The following VAMP1 variants were observed in gnomAD, a reference collection of about 807,000 sequenced individuals.
VAMP1 encodes vesicle associated membrane protein 1, also known as vesicle-associated membrane protein 1.
A neutral mutation model predicts 19.1 loss-of-function variants in VAMP1; 16 were observed. That is an observed-to-expected ratio of 0.84 (90% CI 0.57 to 1.27). VAMP1 has a LOEUF of 1.27. Ranked by LOEUF, VAMP1 falls within the 50% of genes most tolerant of loss-of-function variation. The pLI is 0.00. For synonymous variants in VAMP1, 37 were observed against 50.2 expected (o/e 0.74, Z 1.11); for missense variants, 109 against 145.4 (o/e 0.75, Z 1.29).
chr12:6,463,684 G>A lies in VAMP1; in HGVS notation c.*786C>T. 3.6e-6 allele frequency: 4 copies of A among 1,099,112 alleles called. No homozygotes were observed. In the South Asian group the frequency reaches 9.0e-5, roughly 25 times the overall value. 68.1% of individuals were successfully genotyped at this position (1,099,112 alleles called of 1,614,324 possible). ...TTTGGCTAGATAAAACTACCAGCTA[G>A]ATGGATTTATTTGGTGCCCTCATAC... is the stretch of plus-strand genomic sequence containing the variant. On this transcript the variant is annotated 3_prime_UTR_variant, in exon 5 of 5. Transcript: ENST00000396308. This position sits in a 1 kb window ranked among gnomAD's most constrained non-coding sequence, Gnocchi z 4.0.
rs566173751 is a variant in VAMP1 at position 6,463,026 on chromosome 12, T to C, written c.*1444A>G. On this transcript the variant is annotated 3_prime_UTR_variant, in exon 5 of 5. Transcript: ENST00000396308. The surrounding 1 kb of genome is among the most constrained non-coding windows in gnomAD (Gnocchi z 4.0). The stretch of plus-strand genomic sequence containing the variant: ...GGGCCATGGGCATTCTCCGCTCTGT[T>C]CCCAGCCTGCCCTCCTCCCCTTGCA... 7 of 1,546,196 alleles carry C rather than the reference T, an allele frequency of 4.5e-6. No homozygotes were observed. The South Asian group carries it at 6.0e-5, about 13-fold the overall frequency.
At chr12:6,465,200 G>C (rs1949973270) in intron 3 of VAMP1, 2 of 502,706 alleles carry the variant, frequency 4.0e-6, no homozygotes, top group Non-Finnish European at 7.2e-6. Context: ...TGGTGTCTTG[G>C]GGCTTTAGAA....
At chr12:6,470,201 T>C (rs1448613938) in intron 1 of VAMP1, among the ~76,000 whole-genome samples, 2 of 152,044 alleles carry the variant, frequency 1.3e-5, no homozygotes, top group Non-Finnish European at 1.5e-5. Context: ...TGCCCAGTTG[T>C]CTCCATCCAC....
At chr12:6,467,471 T>A (rs1565528046) in intron 1 of VAMP1, among the ~76,000 whole-genome samples, 1 of 152,236 alleles carries the variant, frequency 6.6e-6, no homozygotes, top group Non-Finnish European at 1.5e-5. Flanking sequence ...GCAAAAAGAC[T>A]GGCAGCATTT....
At position 6,463,417 on chromosome 12, in the gene VAMP1, GC is replaced by G. The variant is rs1055720282; in HGVS notation, c.*1052del. 2.1e-5 allele frequency: 22 copies of G among 1,055,372 alleles called. No individual in the cohort carries two copies. The African/African-American group carries it at 3.6e-4, about 17-fold the overall frequency. The allele number at this position is 1,055,372 out of a possible 1,614,324, so 65.4% of individuals were successfully genotyped here. On this transcript the variant is annotated 3_prime_UTR_variant, in exon 5 of 5. Transcript: ENST00000396308. This position sits in a 1 kb window ranked among gnomAD's most constrained non-coding sequence, Gnocchi z 4.0. The stretch of plus-strand genomic sequence containing the variant: ...ACCACTTGCCTCATCCCTGTCTTTG[GC>G]AAGTGCACGGGTGGTGTGGAGGAAA...
At chr12:6,465,006 T>C in intron 3 of VAMP1, 65 bp from the exon 4 acceptor site, 1 of 1,599,254 alleles carries the variant, frequency 6.3e-7, no homozygotes, top group Non-Finnish European at 8.5e-7. Flanking sequence ...GCCACATCTC[T>C]AGTGGGAAAC....
chr12:6,468,539 G>C (rs1565528653), intron 1 of VAMP1, among the ~76,000 whole-genome samples: 1 of 152,236 alleles, frequency 6.6e-6, no homozygotes. Flanking sequence ...AAAAATGCTA[G>C]AAATTGTCCT....
At chr12:6,465,465 TAGTGTGTG>T (rs1339991976) in intron 3 of VAMP1, 13 of 122,720 alleles carry the variant, frequency 1.1e-4, no homozygotes, top group East Asian at 5.2e-4. Context: ...TGTGTATATA[TAGTGTGTG>T]TGTGTGTGTG....
At chr12:6,466,033 T>G (rs1950015944) in intron 2 of VAMP1, 33 bp from the exon 3 acceptor site, 3 of 1,613,472 alleles carry the variant, frequency 1.9e-6, no homozygotes, top group Non-Finnish European at 2.5e-6. Context: ...GCAGCTAAGC[T>G]TCCTGCCAGA....
Position 6,469,202 on chromosome 12 carries a change from C to G in VAMP1, c.2+1328G>C, listed in dbSNP as rs532480566. On this transcript the variant is annotated intron_variant, in intron 1 of 4. Coordinates refer to ENST00000396308, the MANE Select transcript of VAMP1 (RefSeq NM_014231.5). ...ACAAAGTCATGGGAGCCACAAGACTCTTGTCCTGCCACTGAGCTAGCTAAG... is the reference window on the plus strand; with the variant it reads ...ACAAAGTCATGGGAGCCACAAGACTGTTGTCCTGCCACTGAGCTAGCTAAG... 1.4e-4 allele frequency among the ~76,000 whole-genome samples: 21 copies of G among 152,312 alleles called. 1 individual carries two copies. The South Asian group carries it at 4.1e-3, about 30-fold the overall frequency.
chr12:6,470,214 C>T (rs933556292), intron 1 of VAMP1, among the ~76,000 whole-genome samples: 3 of 152,048 alleles, frequency 2.0e-5, no homozygotes, highest in Non-Finnish European at 4.4e-5. Context: ...CCATCCACCA[C>T]CCCCAGCCCC....
chr12:6,462,751 T>C lies in VAMP1; in HGVS notation c.*1719A>G, dbSNP rs1453235839. ...CTTCTCCAGCGGTGACCCCCTGCAT[T>C]AGGCAAGGAGGAGCCCAGAGGAGAG... On this transcript the variant is annotated 3_prime_UTR_variant, in exon 5 of 5. Coordinates refer to ENST00000396308, the MANE Select transcript of VAMP1 (RefSeq NM_014231.5). The C allele has an allele frequency of 2.1e-6, 3 of 1,438,292 alleles. No homozygotes were observed. In the African/African-American group the frequency reaches 4.3e-5, roughly 20 times the overall value. The allele number at this position is 1,438,292 out of a possible 1,614,324, so 89.1% of individuals were successfully genotyped here.
rs1592144838 is a variant in VAMP1, at chr12:6,463,597, C to T, written c.*873G>A. ...ATTAAGCACTTGACTCACTGTTTCT[C>T]TATAACTAACAGGCAATCTCTCTCT... is the stretch of plus-strand genomic sequence containing the variant. On this transcript the variant is annotated 3_prime_UTR_variant, in exon 5 of 5. Transcript: ENST00000396308. The surrounding 1 kb of genome is among the most constrained non-coding windows in gnomAD (Gnocchi z 4.0). The T allele has an allele frequency of 9.3e-7, 1 of 1,077,992 alleles. No individual in the cohort carries two copies. The highest frequency in any genetic ancestry group is 8.4e-5 in the East Asian group (1 of 11,876). 66.8% of individuals were successfully genotyped at this position (1,077,992 alleles called of 1,614,324 possible).
At chr12:6,467,996 A>G (rs1289780727) in intron 1 of VAMP1, among the ~76,000 whole-genome samples, 1 of 152,246 alleles carries the variant, frequency 6.6e-6, no homozygotes, top group East Asian at 1.9e-4. Flanking sequence ...GTCCAGGCAA[A>G]AGTTTGCTGC....
Position 6,464,338 on chromosome 12 carries a change from G to T in VAMP1, c.*132C>A. On this transcript the variant is annotated 3_prime_UTR_variant, in exon 5 of 5. Coordinates refer to ENST00000396308, the MANE Select transcript of VAMP1 (RefSeq NM_014231.5). The stretch of plus-strand genomic sequence containing the variant: ...AGTGCAAATGAACGCAACGAAAAAG[G>T]AGGAATGGGTGATGGAGAAGCCTGG... 1.3e-6 allele frequency: 2 copies of T among 1,550,544 alleles called. No individual in the cohort carries two copies. Among genetic ancestry groups the T allele is most frequent in the Non-Finnish European group, 1.7e-6 (2 of 1,146,472 alleles).
chr12:6,464,609 T>C (rs1240523747), intron 4 of VAMP1, 123 bp from the exon 5 acceptor site: 1 of 1,457,930 alleles, frequency 6.9e-7, no homozygotes, highest in Non-Finnish European at 9.0e-7. Flanking sequence ...CCCATCCCCA[T>C]GGTCTCCCTC....
At chr12:6,467,057 CT>C in intron 1 of VAMP1, 1 of 176,074 alleles carries the variant, frequency 5.7e-6, no homozygotes, top group Non-Finnish European at 1.2e-5. Context: ...TAAGAAGTGC[CT>C]TTCACCTGCC....
Position 6,463,046 on chromosome 12 carries a change from C to G in VAMP1, c.*1424G>C. Reference sequence around the variant, plus strand: ...TCTGTTCCCAGCCTGCCCTCCTCCCCTTGCACCTGGGCTTATCCCACATTA... The same window carrying G: ...TCTGTTCCCAGCCTGCCCTCCTCCCGTTGCACCTGGGCTTATCCCACATTA... On this transcript the variant is annotated 3_prime_UTR_variant, in exon 5 of 5. Transcript: ENST00000396308. The surrounding 1 kb of genome is among the most constrained non-coding windows in gnomAD (Gnocchi z 4.0). The G allele has an allele frequency of 6.5e-7, 1 of 1,543,426 alleles. No homozygotes were observed.
chr12:6,462,872 C>T lies in VAMP1; in HGVS notation c.*1598G>A, dbSNP rs1443644208. 1 of 1,602,792 alleles carries T rather than the reference C, an allele frequency of 6.2e-7. No individual in the cohort carries two copies. The stretch of plus-strand genomic sequence containing the variant: ...GGCAGGACGAAGGGAATGTGGGAAA[C>T]AAGGGCGAAAGGAAAGGAAGGATGG... On this transcript the variant is annotated 3_prime_UTR_variant, in exon 5 of 5. Coordinates refer to ENST00000396308, the MANE Select transcript of VAMP1 (RefSeq NM_014231.5).
Sources: allele counts gnomAD v4.1 joint callset (sites outside exome capture counted in the v4.1 genomes callset), GRCh38; gene constraint gnomAD v4.1.1; non-coding constraint Gnocchi (gnomAD v3.1); transcripts MANE v1.5; gene names NCBI Gene and HGNC (gene_info 2026-07-23, HGNC 2026-07-21).